ABCA12: variants seen among roughly 807,000 people sequenced by gnomAD.
The protein encoded by ABCA12 is ATP binding cassette subfamily A member 12, also known as glucosylceramide transporter ABCA12.
Under a neutral mutation model 293.5 loss-of-function variants are expected in ABCA12, and 156 were observed. The ratio of observed to expected loss-of-function variants is 0.53; its 90% confidence interval spans 0.47 to 0.61. The LOEUF (loss-of-function observed/expected upper bound fraction) is 0.61. Ranked by LOEUF, ABCA12 falls within the 20% of genes least tolerant of loss-of-function variation. The probability of loss-of-function intolerance (pLI) is 0.00; values close to 1 mark genes in which losing one functional copy is unlikely to be tolerated. For synonymous variants in ABCA12, 1,063 were observed against 1,108.0 expected (o/e 0.96, Z 0.81); for missense variants, 2,797 against 3,090.2 (o/e 0.91, Z 2.25).
At chr2:215,026,428 T>G (rs1700746833) in intron 10 of ABCA12, among the ~76,000 whole-genome samples, 1 of 152,242 alleles carries the variant, frequency 6.6e-6, no homozygotes, top group African/African-American at 2.4e-5. Context: ...ACACCCGCTT[T>G]TAGAACTCTA....
intron 3 of ABCA12, among the ~76,000 whole-genome samples, chr2:215,058,753 T>A (rs1701471774): frequency 6.6e-6 from 1 of 152,062 alleles, no homozygotes; most frequent in African/African-American, 2.4e-5. Context: ...AGATGTAGAT[T>A]CTGCCTCAGT....
chr2:215,030,013 G>C (rs967770100), intron 9 of ABCA12: 9 of 152,132 alleles, frequency 5.9e-5, no homozygotes, highest in African/African-American at 2.2e-4. Context: ...TTTAAAGCTG[G>C]AATGGAAAGG....
intron 4 of ABCA12, among the ~76,000 whole-genome samples, chr2:215,053,446 T>C (rs1347297009): frequency 6.6e-6 from 1 of 152,082 alleles, no homozygotes; most frequent in African/African-American, 2.4e-5. Context: ...ATTTGTGAGA[T>C]AACTGGCCAG....
chr2:215,075,336 C>T (rs1054267595), intron 2 of ABCA12, among the ~76,000 whole-genome samples: 3 of 152,034 alleles, frequency 2.0e-5, no homozygotes, highest in African/African-American at 7.2e-5. Context: ...GAGAAAATGC[C>T]CTTTTCAACT....
intron 2 of ABCA12, among the ~76,000 whole-genome samples, chr2:215,069,529 G>A (rs1214065241): frequency 6.6e-6 from 1 of 151,952 alleles, no homozygotes; most frequent in Non-Finnish European, 1.5e-5. Context: ...GGTTACACTT[G>A]AAAAGACAAG....
At chr2:215,112,477 G>T (rs777625220) in intron 1 of ABCA12, among the ~76,000 whole-genome samples, 44 of 127,886 alleles carry the variant, frequency 3.4e-4, no homozygotes, top group Non-Finnish European at 4.2e-4. Context: ...ATTTCTTTGG[G>T]TTTTTTTTGT....
At chr2:214,975,089 C>T (rs1030623570) in intron 34 of ABCA12, among the ~76,000 whole-genome samples, 2 of 152,134 alleles carry the variant, frequency 1.3e-5, no homozygotes, top group African/African-American at 4.8e-5. Context: ...CTCAGACACC[C>T]GAATTGCTGA....
chr2:214,941,538 T>C (rs1441189683), intron 50 of ABCA12, among the ~76,000 whole-genome samples: 1 of 152,140 alleles, frequency 6.6e-6, no homozygotes, highest in East Asian at 1.9e-4. Context: ...TGTCTAATAT[T>C]GACAGTGGGG....
At chr2:215,037,153 G>A (rs1367231456) in intron 7 of ABCA12, 88 bp from the exon 8 acceptor site, 3 of 968,782 alleles carry the variant, frequency 3.1e-6, no homozygotes, top group Non-Finnish European at 3.2e-6. Flanking sequence ...AATGGCTACA[G>A]TATAAATTAT....
intron 8 of ABCA12, chr2:215,032,283 GA>G (rs1700895362): frequency 1.4e-5 from 2 of 144,576 alleles, no homozygotes; most frequent in Non-Finnish European, 1.0e-5. Flanking sequence ...TGGGTCACTG[GA>G]TTTTTTTTTT....
chr2:214,954,105 A>C lies in ABCA12; in HGVS notation c.6396T>G (p.Thr2132=). The change falls in exon 44 of 53, where the codon ACT becomes ACG. Residue 2132 remains threonine, a splice_region_variant and synonymous_variant. Coordinates refer to ENST00000272895, the MANE Select transcript of ABCA12 (RefSeq NM_173076.3). The part of the protein sequence containing the change: ...FLSKEKPNDP[T]LELISETLKR... ...TGAGGGTTTCAGAAATAAGTTCTAAAGTCTGAAATAAGAGAAATAAAAATA... is the reference window on the plus strand; with the variant it reads ...TGAGGGTTTCAGAAATAAGTTCTAACGTCTGAAATAAGAGAAATAAAAATA... The C allele has an allele frequency of 1.2e-6, 2 of 1,613,556 alleles. No homozygotes were observed. Among genetic ancestry groups the C allele is most frequent in the Non-Finnish European group, 1.7e-6 (2 of 1,179,944 alleles).
intron 39 of ABCA12, among the ~76,000 whole-genome samples, chr2:214,963,605 CAAAAAAAAAAA>C (rs57895778): frequency 0.011 from 765 of 70,252 alleles, 17 homozygotes; most frequent in African/African-American, 0.04. Context: ...GCAGAGATAC[CAAAAAAAAAAA>C]AAAAAAAAAA....
At chr2:215,018,244 G>A in intron 13 of ABCA12, 112 bp from the exon 14 acceptor site, 1 of 1,355,790 alleles carries the variant, frequency 7.4e-7, no homozygotes, top group Non-Finnish European at 1.0e-6. Context: ...GCCTTCTCAG[G>A]GGCAGATGTC....
intron 4 of ABCA12, 41 bp downstream of exon 4, chr2:215,054,532 C>T: frequency 1.3e-6 from 2 of 1,492,972 alleles, no homozygotes; most frequent in Non-Finnish European, 1.9e-6. Context: ...TTTACTGTTC[C>T]ATAAGGCTTG....
At chr2:214,968,141 G>T (rs1699306653) in intron 38 of ABCA12, among the ~76,000 whole-genome samples, 2 of 152,072 alleles carry the variant, frequency 1.3e-5, no homozygotes, top group Non-Finnish European at 2.9e-5. Flanking sequence ...AAAAAATTCT[G>T]AAGGAAGTAC....
intron 2 of ABCA12, among the ~76,000 whole-genome samples, chr2:215,089,586 G>A (rs1038531185): frequency 7.2e-5 from 11 of 152,058 alleles, no homozygotes; most frequent in Non-Finnish European, 1.2e-4. Flanking sequence ...CTCTTTTAAA[G>A]TTCAAAAAGA....
chr2:214,944,082 G>A (rs899059372), intron 49 of ABCA12, among the ~76,000 whole-genome samples: 1 of 152,046 alleles, frequency 6.6e-6, no homozygotes, highest in African/African-American at 2.4e-5. Flanking sequence ...GGTTCTGGAA[G>A]GACTGGTAAG....
rs1701595266 is a variant in ABCA12, at chr2:215,064,252, T to C, written c.164-33A>G. On this transcript the variant is annotated intron_variant, in intron 2 of 52. Transcript: ENST00000272895. The stretch of plus-strand genomic sequence containing the variant: ...TAAAAAAACAGTCATTACATCAGTA[T>C]GGCACATTTGTCTGGGAAAGAACAT... 3 of 1,604,800 alleles carry C rather than the reference T, an allele frequency of 1.9e-6. No homozygotes were observed. In the Admixed American group the frequency reaches 5.0e-5, roughly 27 times the overall value.
At chr2:215,092,543 C>T (rs977126380) in intron 2 of ABCA12, among the ~76,000 whole-genome samples, 5 of 152,042 alleles carry the variant, frequency 3.3e-5, no homozygotes. Context: ...CCCATTGAAA[C>T]CTAATCACCC....
Sources: gnomAD v4.1 joint callset for allele counts (sites outside exome capture counted in the v4.1 genomes callset) on GRCh38, gnomAD v4.1.1 for gene constraint, MANE v1.5 for transcripts, NCBI Gene and HGNC (gene_info 2026-07-23, HGNC 2026-07-21) for gene names.